SEMA3A: variants seen among roughly 807,000 people sequenced by gnomAD.
SEMA3A encodes semaphorin-3A.
In SEMA3A, 29 loss-of-function variants were observed where a neutral mutation model predicts 97.9. That is an observed-to-expected ratio of 0.30 (90% confidence interval 0.22 to 0.40). SEMA3A has a LOEUF of 0.40. SEMA3A is among the 10% of genes least tolerant of loss of function. SEMA3A has a pLI of 1.00. For missense variants in SEMA3A, 763 were observed against 951.3 expected, an observed-to-expected ratio of 0.80 and a Z score of 2.60; for synonymous variants, 321 against 323.7, an observed-to-expected ratio of 0.99 and a Z score of 0.09.
At chr7:84,059,009 T>A (rs1793109247) in intron 5 of SEMA3A, among the ~76,000 whole-genome samples, 1 of 151,302 alleles carries the variant, frequency 6.6e-6, no homozygotes, top group African/African-American at 2.5e-5. Flanking sequence ...TACCATGAAG[T>A]AAAGCTGCTT....
chr7:83,977,654 ATGTT>A (rs1227079551), intron 14 of SEMA3A, among the ~76,000 whole-genome samples: 9 of 152,056 alleles, frequency 5.9e-5, no homozygotes, highest in Non-Finnish European at 4.4e-5. Flanking sequence ...ATTCACATGA[ATGTT>A]CTCTTTCTCT....
At chr7:84,059,397 C>G (rs1008357098) in intron 5 of SEMA3A, among the ~76,000 whole-genome samples, 1 of 151,900 alleles carries the variant, frequency 6.6e-6, no homozygotes, top group Non-Finnish European at 1.5e-5. Context: ...AAAGAAAACA[C>G]TAGAAAATAC....
At chr7:84,212,160 G>C (rs562192569) in intron 3 of SEMA3A, among the ~76,000 whole-genome samples, 1 of 152,236 alleles carries the variant, frequency 6.6e-6, no homozygotes, top group African/African-American at 2.4e-5. Context: ...TGGTTTGGGA[G>C]ACCAAACTAC....
chr7:84,096,516 T>G (rs1015090038), intron 4 of SEMA3A, among the ~76,000 whole-genome samples: 2 of 152,120 alleles, frequency 1.3e-5, no homozygotes, highest in African/African-American at 4.8e-5. Flanking sequence ...TGAATTTTTT[T>G]GCACTAAAAT....
Position 84,099,215 on chromosome 7 carries a change from C to A in SEMA3A, c.453+11255G>T, listed in dbSNP as rs1259031364. Among the ~76,000 whole-genome samples, 3 of 111,388 alleles carry A rather than the reference C, an allele frequency of 2.7e-5. 1 individual carries two copies. The highest frequency in any genetic ancestry group is 6.5e-5 in the Non-Finnish European group (3 of 46,306). 73.1% of individuals were successfully genotyped at this position (111,388 alleles called of 152,430 possible). A position where few individuals can be genotyped will look rare whatever the true frequency, so the allele number is the denominator to read the frequency against. The stretch of plus-strand genomic sequence containing the variant: ...CCTCCCGAGTAGCTGGGACTACAGG[C>A]GCCCGCTACCACGCCCGGCTAATTT... On this transcript the variant is annotated intron_variant, in intron 4 of 16. Coordinates refer to ENST00000265362, the MANE Select transcript of SEMA3A (RefSeq NM_006080.3).
At chr7:84,354,740 G>C (rs1048167442) in intron 2 of SEMA3A, among the ~76,000 whole-genome samples, 7 of 151,610 alleles carry the variant, frequency 4.6e-5, no homozygotes. Context: ...TGCTTTTTTA[G>C]ATGTGAATTA....
chr7:84,407,271 C>T (rs1369539715), intron 1 of SEMA3A, among the ~76,000 whole-genome samples: 1 of 152,102 alleles, frequency 6.6e-6, no homozygotes, highest in Non-Finnish European at 1.5e-5. Flanking sequence ...AGAGCCAAAT[C>T]ATGAGTGAAC....
At chr7:84,300,032 C>CAAAAAAAA (rs58929555) in intron 3 of SEMA3A, among the ~76,000 whole-genome samples, 15 of 53,224 alleles carry the variant, frequency 2.8e-4, no homozygotes, top group Admixed American at 4.2e-4. Context: ...GACTCAGTCA[C>CAAAAAAAA]AAAAAAAAAA....
At chr7:84,157,428 C>T (rs1015155459) in intron 1 of SEMA3A, among the ~76,000 whole-genome samples, 5 of 152,042 alleles carry the variant, frequency 3.3e-5, no homozygotes, top group East Asian at 1.9e-4. Context: ...TTCACACGCA[C>T]GGTTTTGTTG....
rs1349579213 is a variant in SEMA3A, at chr7:84,419,529, C to T, written c.-245-47629G>A. Reference sequence around the variant, plus strand: ...ACATAATCTCACAGCTGCATGAGACCAAAAAAAAAAAAAAATAGTTGAGAC... The same window carrying T: ...ACATAATCTCACAGCTGCATGAGACTAAAAAAAAAAAAAAATAGTTGAGAC... On this transcript the variant is annotated intron_variant, in intron 1 of 3. Coordinates refer to the SEMA3A transcript ENST00000424555. 2.3e-5 allele frequency among the ~76,000 whole-genome samples: 3 copies of T among 132,576 alleles called. No individual in the cohort carries two copies. In the Admixed American group the frequency reaches 2.3e-4, roughly 10 times the overall value. 87.0% of individuals were successfully genotyped at this position (132,576 alleles called of 152,430 possible).
At chr7:84,019,045 G>A (rs1374272840) in intron 6 of SEMA3A, among the ~76,000 whole-genome samples, 3 of 152,100 alleles carry the variant, frequency 2.0e-5, no homozygotes, top group African/African-American at 7.2e-5. Flanking sequence ...ATATGGATGG[G>A]GTAGTGAAGA....
At chr7:84,446,821 T>C (rs920338603) in intron 1 of SEMA3A, among the ~76,000 whole-genome samples, 3 of 151,956 alleles carry the variant, frequency 2.0e-5, no homozygotes, top group African/African-American at 7.2e-5. Context: ...CCAGTTGCAG[T>C]GGGGGAGGCA....
intron 1 of SEMA3A, among the ~76,000 whole-genome samples, chr7:84,448,008 G>C (rs1805466394): frequency 6.6e-6 from 1 of 152,210 alleles, no homozygotes; most frequent in African/African-American, 2.4e-5. Context: ...TGCCCACCCT[G>C]CTGCAGCAGC....
chr7:84,038,501 C>A (rs1295304602), intron 6 of SEMA3A, among the ~76,000 whole-genome samples: 1 of 151,912 alleles, frequency 6.6e-6, no homozygotes, highest in Non-Finnish European at 1.5e-5. Flanking sequence ...GAGAGAGAAA[C>A]TGCAGTTATT....
chr7:84,436,417 T>C (rs1387903832), intron 1 of SEMA3A, among the ~76,000 whole-genome samples: 1 of 152,166 alleles, frequency 6.6e-6, no homozygotes, highest in Non-Finnish European at 1.5e-5. Context: ...GAAGAAAATA[T>C]TTTCAAACTA....
intron 1 of SEMA3A, among the ~76,000 whole-genome samples, chr7:84,451,396 T>G (rs1465789699): frequency 6.6e-6 from 1 of 152,210 alleles, no homozygotes; most frequent in East Asian, 1.9e-4. Flanking sequence ...TGAATCATTC[T>G]GGAACAAATT....
intron 1 of SEMA3A, among the ~76,000 whole-genome samples, chr7:84,461,628 T>C (rs1439200624): frequency 2.0e-5 from 3 of 152,148 alleles, no homozygotes; most frequent in African/African-American, 7.2e-5. Context: ...CTTTAAATTA[T>C]GTACAAACCT....
chr7:83,990,694 CAGTA>C (rs1789878727), intron 12 of SEMA3A, among the ~76,000 whole-genome samples: 1 of 124,188 alleles, frequency 8.1e-6, no homozygotes, highest in South Asian at 3.0e-4. Flanking sequence ...GTTTTGGTAC[CAGTA>C]CCATGCTGTT....
At chr7:84,140,156 C>T (rs1796255599) in intron 1 of SEMA3A, among the ~76,000 whole-genome samples, 1 of 152,068 alleles carries the variant, frequency 6.6e-6, no homozygotes. Context: ...ATTGGGAACA[C>T]TTACACAAAA....
Sources: gnomAD v4.1 joint callset for allele counts (sites outside exome capture counted in the v4.1 genomes callset) on GRCh38, gnomAD v4.1.1 for gene constraint, MANE v1.5 for transcripts, NCBI Gene and HGNC (gene_info 2026-07-23, HGNC 2026-07-21) for gene names.